SV2C: variants seen among roughly 807,000 people sequenced by gnomAD.
SV2C encodes the protein synaptic vesicle glycoprotein 2C.
Under a neutral mutation model 79.7 loss-of-function variants are expected in SV2C, and 49 were observed. The observed-to-expected ratio is 0.61, with a 90% confidence interval of 0.49 to 0.78. The LOEUF (loss-of-function observed/expected upper bound fraction) is 0.78. Ranked by LOEUF, SV2C falls within the 30% of genes least tolerant of loss-of-function variation. The pLI, the probability that SV2C is intolerant of heterozygous loss-of-function variation, is 0.00. For synonymous variants in SV2C, 334 were observed against 333.2 expected (o/e 1.00, Z -0.03); for missense variants, 833 against 912.9 (o/e 0.91, Z 1.13).
the SV2C span, among the ~76,000 whole-genome samples, chr5:75,957,381 C>T: frequency 6.6e-6 from 1 of 151,982 alleles, no homozygotes; most frequent in Non-Finnish European, 1.5e-5. Context: ...TAAACCTTAC[C>T]AATTGCTTCA....
the SV2C span, among the ~76,000 whole-genome samples, chr5:75,979,629 T>G: frequency 6.6e-6 from 1 of 151,798 alleles, no homozygotes; most frequent in African/African-American, 2.4e-5. Context: ...GAATGACTTT[T>G]GGGTAAATAA....
At chr5:76,252,444 C>A (rs1422011573) in intron 4 of SV2C, among the ~76,000 whole-genome samples, 1 of 152,132 alleles carries the variant, frequency 6.6e-6, no homozygotes, top group African/African-American at 2.4e-5. Context: ...TTAAGAAAGT[C>A]AATTTTAAGA....
At chr5:76,085,782 AT>A (rs1419795094) in intron 1 of SV2C, among the ~76,000 whole-genome samples, 1 of 151,398 alleles carries the variant, frequency 6.6e-6, no homozygotes, top group Non-Finnish European at 1.5e-5. Flanking sequence ...GGCTTTGGAA[AT>A]ACAAATTTTC....
intron 3 of SV2C, among the ~76,000 whole-genome samples, chr5:76,206,518 C>T (rs73766708): frequency 0.05 from 7,552 of 152,232 alleles, 634 homozygotes; most frequent in African/African-American, 0.17. Context: ...CCCTCAACTT[C>T]TATTATGGTC....
At chr5:75,859,994 G>A in the SV2C span, among the ~76,000 whole-genome samples, 3 of 152,112 alleles carry the variant, frequency 2.0e-5, no homozygotes, top group Non-Finnish European at 4.4e-5. Context: ...GCAAGCCTCC[G>A]AAGCTCCGGT....
intron 12 of SV2C, among the ~76,000 whole-genome samples, chr5:76,306,286 C>A (rs1006701912): frequency 5.9e-5 from 9 of 152,162 alleles, no homozygotes; most frequent in African/African-American, 2.2e-4. Flanking sequence ...AAACTCCTGG[C>A]CTCAAGCAAT....
chr5:76,117,202 C>T (rs1419613593), intron 1 of SV2C, among the ~76,000 whole-genome samples: 2 of 151,982 alleles, frequency 1.3e-5, no homozygotes, highest in African/African-American at 4.8e-5. Flanking sequence ...TAGTTTGTGG[C>T]CAATTATATA....
At chr5:76,048,796 T>C in the SV2C span, among the ~76,000 whole-genome samples, 1 of 139,610 alleles carries the variant, frequency 7.2e-6, no homozygotes, top group African/African-American at 2.9e-5. Flanking sequence ...ATGAACCTTT[T>C]TCAGCCTCCA....
At chr5:75,882,567 A>G in the SV2C span, among the ~76,000 whole-genome samples, 1 of 152,178 alleles carries the variant, frequency 6.6e-6, no homozygotes, top group Non-Finnish European at 1.5e-5. Flanking sequence ...GATCAATGGA[A>G]CAGAGCAGAG....
At chr5:75,909,317 G>A in the SV2C span, among the ~76,000 whole-genome samples, 20 of 152,338 alleles carry the variant, frequency 1.3e-4, no homozygotes, top group South Asian at 2.3e-3. Flanking sequence ...CAGTACTGGC[G>A]TCTTTGTTCC....
At chr5:76,298,685 T>C in intron 9 of SV2C, 109 bp from the exon 10 acceptor site, 1 of 1,277,362 alleles carries the variant, frequency 7.8e-7, no homozygotes, top group South Asian at 1.6e-5. Flanking sequence ...TTCTTTATAA[T>C]TAAGACAGTC....
intron 1 of SV2C, among the ~76,000 whole-genome samples, chr5:76,103,806 T>G (rs922371061): frequency 6.6e-6 from 1 of 152,204 alleles, no homozygotes; most frequent in African/African-American, 2.4e-5. Flanking sequence ...AAATAATATC[T>G]ATTTTACACA....
At chr5:75,872,236 T>A in the SV2C span, among the ~76,000 whole-genome samples, 1 of 151,338 alleles carries the variant, frequency 6.6e-6, no homozygotes, top group Non-Finnish European at 1.5e-5. Context: ...ATTGCTAAAT[T>A]TATTAGGTAA....
chr5:76,245,923 TG>T, intron 4 of SV2C, among the ~76,000 whole-genome samples: 1 of 144,852 alleles, frequency 6.9e-6, no homozygotes, highest in Non-Finnish European at 1.5e-5. Context: ...TGTGTGTGTG[TG>T]TGTGTGTGTG....
intron 1 of SV2C, among the ~76,000 whole-genome samples, chr5:76,084,777 G>A (rs866127626): frequency 3.4e-4 from 52 of 151,964 alleles, no homozygotes; most frequent in African/African-American, 1.2e-3. Flanking sequence ...GTTGATGGAT[G>A]CCCCGCGGCG....
chr5:75,927,695 G>T, the SV2C span, among the ~76,000 whole-genome samples: 1 of 152,110 alleles, frequency 6.6e-6, no homozygotes, highest in Non-Finnish European at 1.5e-5. Flanking sequence ...CCCCACAAAA[G>T]AACATAAAGA....
the SV2C span, among the ~76,000 whole-genome samples, chr5:76,069,506 C>T: frequency 6.6e-6 from 1 of 152,220 alleles, no homozygotes; most frequent in Non-Finnish European, 1.5e-5. Context: ...TCAGGCCTCA[C>T]ATTCCCTGTG....
At chr5:76,106,755 C>A (rs562838513) in intron 1 of SV2C, among the ~76,000 whole-genome samples, 1 of 152,312 alleles carries the variant, frequency 6.6e-6, no homozygotes, top group Admixed American at 6.5e-5. Context: ...ACCCTGAATT[C>A]TCTAATTATC....
the SV2C span, among the ~76,000 whole-genome samples, chr5:75,958,010 G>T: frequency 6.6e-6 from 1 of 151,988 alleles, no homozygotes; most frequent in East Asian, 1.9e-4. Flanking sequence ...CCCAACAGAA[G>T]GATACTCTAA....
Sources: gnomAD v4.1 joint callset for allele counts (sites outside exome capture counted in the v4.1 genomes callset) on GRCh38, gnomAD v4.1.1 for gene constraint, MANE v1.5 for transcripts, NCBI Gene and HGNC (gene_info 2026-07-23, HGNC 2026-07-21) for gene names.